The following ZNF500 variants were observed in gnomAD, a reference collection of about 807,000 sequenced individuals.
ZNF500 encodes the protein zinc finger protein 500, also known as zinc finger protein with KRAB and SCAN domains 18.
Under a neutral mutation model 30.1 loss-of-function variants are expected in ZNF500, and 31 were observed. That is an observed-to-expected ratio of 1.03 (90% CI 0.77 to 1.39). The LOEUF (loss-of-function observed/expected upper bound fraction) is 1.39, where lower values mean the gene tolerates loss of function less well. Among genes scored for constraint, ZNF500 ranks in the 40% most tolerant of loss-of-function variants. The probability of loss-of-function intolerance (pLI) is 0.00; values close to 1 mark genes in which losing one functional copy is unlikely to be tolerated. For missense variants in ZNF500, 817 were observed against 657.8 expected (o/e 1.24, Z -2.65); for synonymous variants, 392 against 282.0 (o/e 1.39, Z -3.91).
At chr16:4,745,906 T>TGATGC (rs2082009496), downstream of ZNF500, among the ~76,000 whole-genome samples, 1 of 144,190 alleles carries the variant, frequency 6.9e-6, no homozygotes, top group Non-Finnish European at 1.5e-5. Flanking sequence ...GTGACCAAGA[T>TGATGC]CATGCCACTG....
chr16:4,747,350 A>C, downstream of ZNF500: 1 of 1,580,244 alleles, frequency 6.3e-7, no homozygotes, highest in South Asian at 1.1e-5. Flanking sequence ...CAGGACCTGT[A>C]CCGGGAAAAG....
chr16:4,747,089 TC>T, downstream of ZNF500: 1 of 1,437,046 alleles, frequency 7.0e-7, no homozygotes, highest in South Asian at 1.3e-5. Flanking sequence ...CAGCAAGCCC[TC>T]CACCTGGCAC....
At chr16:4,763,113 T>C in intron 2 of ZNF500, 2 of 985,430 alleles carry the variant, frequency 2.0e-6, no homozygotes, top group Non-Finnish European at 2.4e-6. Context: ...TTTGAAATTA[T>C]CTGGCCAGCT....
chr16:4,747,162 C>A (rs2082028350), downstream of ZNF500: 8 of 1,201,950 alleles, frequency 6.7e-6, no homozygotes, highest in Middle Eastern at 2.9e-4. Flanking sequence ...GACGGCACAG[C>A]TTTCATCATC....
chr16:4,757,915 T>G (rs1234400757), intron 5 of ZNF500, among the ~76,000 whole-genome samples: 1 of 150,002 alleles, frequency 6.7e-6, no homozygotes, highest in Non-Finnish European at 1.5e-5. Context: ...TTTTTTTTTT[T>G]TTTGACACAG....
chr16:4,757,482 T>C (rs567817473), intron 5 of ZNF500, among the ~76,000 whole-genome samples: 2 of 152,232 alleles, frequency 1.3e-5, no homozygotes, highest in African/African-American at 2.4e-5. Flanking sequence ...TATTTTTTTG[T>C]AGAGACAAGG....
chr16:4,762,733 G>T lies in ZNF500; in HGVS notation c.438C>A (p.Asp146Glu), dbSNP rs148984278. The T allele has an allele frequency of 1.2e-6, 2 of 1,610,870 alleles. No individual in the cohort carries two copies. The highest frequency in any genetic ancestry group is 8.5e-7 in the Non-Finnish European group (1 of 1,178,420). ...RQRGSELLSD[D>E]EVPLGIGGQF... is the part of the protein sequence containing the mutation. ...GTCCCCCTATCCCGAGGGGCACCTC[G>T]TCATCAGAAAGCAGCTCTGAGCCCT... Residue 146 changes from aspartate to glutamate, a missense_variant, in exon 3 of 6, where the codon GAC (aspartate) becomes GAA (glutamate). Coordinates refer to ENST00000219478, the MANE Select transcript of ZNF500 (RefSeq NM_021646.4).
chr16:4,761,615 G>A lies in ZNF500; in HGVS notation c.663+656C>T, dbSNP rs1172271351. ...AATCCCAGTGCTTTGGGAGACTTAG[G>A]CAAGAGGATCACTTGAGCCCAGGAG... On this transcript the variant is annotated intron_variant, in intron 4 of 5. Coordinates refer to ENST00000219478, the MANE Select transcript of ZNF500 (RefSeq NM_021646.4). Among the ~76,000 whole-genome samples the A allele has an allele frequency of 2.6e-5, 4 of 151,614 alleles. No individual in the cohort carries two copies. The East Asian group carries it at 7.7e-4, about 29-fold the overall frequency.
In ZNF500 at chr16:4,752,259, C is replaced by G; in HGVS notation, c.*117G>C. The G allele has an allele frequency of 7.0e-7, 1 of 1,429,282 alleles. No homozygotes were observed. Among genetic ancestry groups the G allele is most frequent in the Non-Finnish European group, 9.1e-7 (1 of 1,097,450 alleles). The allele number at this position is 1,429,282 out of a possible 1,614,324, so 88.5% of individuals were successfully genotyped here. ...CCAAATGTCCCCTGCTGGCCTCATACTGGGCCATGGGAGGAAACGGGCAGC... is the reference window on the plus strand; with the variant it reads ...CCAAATGTCCCCTGCTGGCCTCATAGTGGGCCATGGGAGGAAACGGGCAGC... On this transcript the variant is annotated 3_prime_UTR_variant, in exon 6 of 6. Transcript: ENST00000219478.
At position 4,765,769 on chromosome 16, in the gene ZNF500, G is replaced by A. The variant is rs1326314900; in HGVS notation, c.210C>T (p.Arg70=). ...EVAGPREALS[R]LWELCCRWLR... is the part of the protein sequence containing the mutation. ...GCCAGCGGCAGCACAGCTCCCAGAG[G>A]CGGCTCAGGGCCTCCCGGGGCCCAG... The change falls in exon 2 of 6, where the codon CGC becomes CGT. Residue 70 remains arginine (R), a synonymous_variant. Coordinates refer to ENST00000219478, the MANE Select transcript of ZNF500 (RefSeq NM_021646.4). The A allele has an allele frequency of 6.2e-7, 1 of 1,612,864 alleles. No homozygotes were observed. The highest frequency in any genetic ancestry group is 8.5e-7 in the Non-Finnish European group (1 of 1,179,822).
chr16:4,758,892 G>A (rs2082167470), intron 5 of ZNF500, among the ~76,000 whole-genome samples: 1 of 144,016 alleles, frequency 6.9e-6, no homozygotes, highest in Non-Finnish European at 1.6e-5. Flanking sequence ...AAATGAAAAT[G>A]CAACACACAA....
chr16:4,746,242 T>C (rs1025652423), downstream of ZNF500: 50 of 982,758 alleles, frequency 5.1e-5, no homozygotes, highest in Non-Finnish European at 7.2e-5. Context: ...GCAAATGTGT[T>C]TAATGTGCCC....
chr16:4,766,007 G>C lies in ZNF500; in HGVS notation c.-29C>G. 2 of 1,522,890 alleles carry C rather than the reference G, an allele frequency of 1.3e-6. No homozygotes were observed. The highest frequency in any genetic ancestry group is 1.4e-5 in the African/African-American group (1 of 72,072). The allele number at this position is 1,522,890 out of a possible 1,614,324, so 94.3% of individuals were successfully genotyped here. A position where few individuals can be genotyped will look rare whatever the true frequency, so the allele number is the denominator to read the frequency against. On this transcript the variant is annotated 5_prime_UTR_variant, in exon 2 of 6. Coordinates refer to ENST00000219478, the MANE Select transcript of ZNF500 (RefSeq NM_021646.4). ...TTCCGGTGGGCCTTGTTCCTTTTCA[G>C]GCCTTAGAGTTGAACCTGTCTCTCT...
downstream of ZNF500, chr16:4,744,783 G>A: frequency 6.8e-7 from 1 of 1,463,220 alleles, no homozygotes; most frequent in Non-Finnish European, 9.3e-7. Context: ...CACATGTGGA[G>A]ACCCCAGGGG....
At chr16:4,758,397 T>A (rs2082161265) in intron 5 of ZNF500, 1 of 152,230 alleles carries the variant, frequency 6.6e-6, no homozygotes. Flanking sequence ...GGATTCCACG[T>A]AACCACTTGG....
chr16:4,761,478 TACACACACAC>T (rs71139657), intron 4 of ZNF500, among the ~76,000 whole-genome samples: 44,690 of 129,546 alleles, frequency 0.34, 7,458 homozygotes, highest in East Asian at 0.47. Flanking sequence ...TACACATACA[TACACACACAC>T]ACACACACAC....
At position 4,762,828 on chromosome 16, in the gene ZNF500, C is replaced by A. The variant is rs553591605; in HGVS notation, c.415-72G>T. 4.7e-4 allele frequency: 704 copies of A among 1,493,236 alleles called. 1 individual carries two copies. Among genetic ancestry groups the A allele is most frequent in the African/African-American group, 4.1e-3 (292 of 71,734 alleles). The allele number at this position is 1,493,236 out of a possible 1,614,324, so 92.5% of individuals were successfully genotyped here. A position where few individuals can be genotyped will look rare whatever the true frequency, so the allele number is the denominator to read the frequency against. On this transcript the variant is annotated intron_variant, in intron 2 of 5. Transcript: ENST00000219478. ...GGAAAAATCCCCGCAGGGCCCCACA[C>A]CCCTCATCTCAGGCACCCCAGCCGG...
chr16:4,755,698 C>G (rs1015797410), intron 5 of ZNF500, among the ~76,000 whole-genome samples: 1 of 152,164 alleles, frequency 6.6e-6, no homozygotes, highest in Admixed American at 6.5e-5. Flanking sequence ...AATGACTTTA[C>G]TCCTAGGTAC....
intron 5 of ZNF500, among the ~76,000 whole-genome samples, chr16:4,756,840 G>C (rs957644504): frequency 6.6e-6 from 1 of 152,104 alleles, no homozygotes; most frequent in Non-Finnish European, 1.5e-5. Context: ...AAATTAGCTG[G>C]GCATGGTGGC....
Sources: gnomAD v4.1 joint callset for allele counts (sites outside exome capture counted in the v4.1 genomes callset) on GRCh38, gnomAD v4.1.1 for gene constraint, MANE v1.5 for transcripts, NCBI Gene and HGNC (gene_info 2026-07-23, HGNC 2026-07-21) for gene names.